The following IQGAP3 variants were observed in gnomAD, a reference collection of about 807,000 sequenced individuals.
The protein encoded by IQGAP3 is ras GTPase-activating-like protein IQGAP3.
IQGAP3 carries 165 observed loss-of-function variants against 208.2 expected under a neutral mutation model. That is an observed-to-expected ratio of 0.79 (90% CI 0.70 to 0.90). The LOEUF is 0.90. Ranked by LOEUF, IQGAP3 falls within the 40% of genes least tolerant of loss-of-function variation. The pLI, the probability that IQGAP3 is intolerant of heterozygous loss-of-function variation, is 0.00. For missense variants in IQGAP3, 1,811 were observed against 2,043.1 expected (o/e 0.89, Z 2.19); for synonymous variants, 703 against 803.6 (o/e 0.87, Z 2.12).
At chr1:156,555,566 C>T (rs1296321503) in intron 12 of IQGAP3, among the ~76,000 whole-genome samples, 3 of 152,140 alleles carry the variant, frequency 2.0e-5, no homozygotes, top group African/African-American at 7.2e-5. Flanking sequence ...TGAATATCAA[C>T]AACAATAATA....
intron 1 of IQGAP3, among the ~76,000 whole-genome samples, chr1:156,571,465 G>GCA (rs145771295): frequency 9.2e-5 from 14 of 151,606 alleles, no homozygotes; most frequent in Admixed American, 3.9e-4. Flanking sequence ...ACACATGCGT[G>GCA]CACACACACA....
chr1:156,540,761 T>C lies in IQGAP3; in HGVS notation c.2686A>G (p.Asn896Asp), dbSNP rs375740683. ...RSNQQLEQDL[N>D]IMDIKIGLLV... is the part of the protein sequence containing the mutation. ...AGGCCAATCTTGATGTCCATGATGT[T>C]GAGGTCCTGCTCCAGCTGCTGATTG... is the stretch of plus-strand genomic sequence containing the variant. The change falls in exon 23 of 38, where the codon AAC becomes GAC. Residue 896 changes from asparagine (N) to aspartate (D), a missense_variant. Coordinates refer to ENST00000361170, the MANE Select transcript of IQGAP3 (RefSeq NM_178229.5). The C allele has an allele frequency of 2.7e-5, 44 of 1,614,032 alleles. No homozygotes were observed. In the Middle Eastern group the frequency reaches 6.6e-4, roughly 24 times the overall value.
At chr1:156,527,306 C>T (rs1674132746) in intron 37 of IQGAP3, among the ~76,000 whole-genome samples, 1 of 151,398 alleles carries the variant, frequency 6.6e-6, no homozygotes, top group African/African-American at 2.4e-5. Context: ...ATGGTGAAAC[C>T]CCATCTCTAC....
At chr1:156,548,788 C>G in intron 16 of IQGAP3, 40 bp from the exon 17 acceptor site, 1 of 1,510,734 alleles carries the variant, frequency 6.6e-7, no homozygotes, top group Non-Finnish European at 8.8e-7. Context: ...ATCCTTCCCC[C>G]GAGTCCCTCC....
At chr1:156,531,459 T>G (rs60468447) in intron 32 of IQGAP3, among the ~76,000 whole-genome samples, 3,408 of 152,126 alleles carry the variant, frequency 0.022, 121 homozygotes, top group African/African-American at 0.078. Context: ...AGCACACATG[T>G]CCTTCCCACC....
At chr1:156,538,041 G>A (rs747578600) in intron 26 of IQGAP3, among the ~76,000 whole-genome samples, 8 of 151,852 alleles carry the variant, frequency 5.3e-5, no homozygotes, top group Non-Finnish European at 8.8e-5. Context: ...GCAGGAGTGC[G>A]CCACAACACC....
intron 37 of IQGAP3, among the ~76,000 whole-genome samples, chr1:156,527,347 G>A (rs189824996): frequency 2.4e-4 from 37 of 151,712 alleles, no homozygotes; most frequent in South Asian, 4.2e-4. Context: ...GTGTGGTGGC[G>A]CACGCCTGTA....
intron 12 of IQGAP3, among the ~76,000 whole-genome samples, chr1:156,555,012 C>T (rs1675760388): frequency 6.6e-6 from 1 of 152,028 alleles, no homozygotes. Context: ...CGAGATCATG[C>T]CACTGCACTC....
rs1242477920 is a variant in IQGAP3, at chr1:156,526,322, G to A, written c.*164C>T. On this transcript the variant is annotated 3_prime_UTR_variant, in exon 38 of 38. Transcript: ENST00000361170. ...TAGCCAATTAGAAGATACACTGTCT[G>A]TGGCCAGGCAGGCAAGCTCCTCCCA... The A allele has an allele frequency of 4.9e-6, 3 of 616,162 alleles. No individual in the cohort carries two copies. Among genetic ancestry groups the A allele is most frequent in the South Asian group, 3.8e-5 (2 of 52,716 alleles). The allele number at this position is 616,162 out of a possible 1,614,324, so 38.2% of individuals were successfully genotyped here.
chr1:156,564,446 G>A (rs1676309639), intron 5 of IQGAP3, among the ~76,000 whole-genome samples, 169 bp downstream of exon 5: 1 of 152,142 alleles, frequency 6.6e-6, no homozygotes, highest in Admixed American at 6.5e-5. Context: ...TGTGCCCACA[G>A]ACATGCACAA....
intron 1 of IQGAP3, 21 bp from the exon 2 acceptor site, chr1:156,569,484 AGGTCAAT>A: frequency 6.9e-7 from 1 of 1,451,532 alleles, no homozygotes; most frequent in Non-Finnish European, 9.6e-7. Context: ...AAACGGGATA[AGGTCAAT>A]GAAGAGAGCA....
Position 156,551,791 on chromosome 1 carries a change from G to A in IQGAP3, c.1648C>T (p.Pro550Ser), listed in dbSNP as rs1232525149. Residue 550 changes from proline (P) to serine (S), a missense_variant, in exon 15 of 38, where the codon CCT becomes TCT. Physicochemically the swap from Pro to Ser is moderately conservative, Grantham distance 74. Transcript: ENST00000361170. ...CTGACATCATCTAGGCCAGCTGCAGGAAGCAGTAGGGCAGACAGAGTCTTC... is the reference window on the plus strand; with the variant it reads ...CTGACATCATCTAGGCCAGCTGCAGAAAGCAGTAGGGCAGACAGAGTCTTC... ...PEKTLSALLLPAAGLDDVSLP... is the reference protein window; with the variant it reads ...PEKTLSALLLSAAGLDDVSLP... 5 of 1,613,942 alleles carry A rather than the reference G, an allele frequency of 3.1e-6. No homozygotes were observed. The highest frequency in any genetic ancestry group is 1.3e-5 in the African/African-American group (1 of 74,918).
chr1:156,536,426 T>C (rs1431448497), intron 27 of IQGAP3, among the ~76,000 whole-genome samples: 1 of 152,070 alleles, frequency 6.6e-6, no homozygotes, highest in African/African-American at 2.4e-5. Flanking sequence ...AAAAAGGTGA[T>C]TTCACAGGAG....
intron 30 of IQGAP3, 63 bp downstream of exon 30, chr1:156,533,946 C>T: frequency 1.2e-6 from 2 of 1,607,960 alleles, no homozygotes; most frequent in Non-Finnish European, 1.7e-6. Context: ...AGCCCACTAC[C>T]CCATCACAGG....
chr1:156,557,611 T>TG (rs1199007209), intron 11 of IQGAP3, among the ~76,000 whole-genome samples: 154 of 16,230 alleles, frequency 9.5e-3, no homozygotes, highest in Non-Finnish European at 0.014. Context: ...GGGAGGGAGG[T>TG]GGGGGGGTCA....
At chr1:156,572,303 C>T (rs904417380) in intron 1 of IQGAP3, among the ~76,000 whole-genome samples, 190 bp downstream of exon 1, 3 of 152,274 alleles carry the variant, frequency 2.0e-5, no homozygotes, top group Non-Finnish European at 4.4e-5. Context: ...AGTCAGGGGA[C>T]AATGCGCCGC....
At chr1:156,564,252 C>T (rs1462272434) in intron 5 of IQGAP3, among the ~76,000 whole-genome samples, 1 of 152,062 alleles carries the variant, frequency 6.6e-6, no homozygotes, top group African/African-American at 2.4e-5. Flanking sequence ...TTGCTGATGG[C>T]TGGCTGTAAG....
rs781396792 is a variant in IQGAP3, at chr1:156,528,928, G to A, written c.4559C>T (p.Ala1520Val). The change falls in exon 35 of 38, where the codon GCC (alanine) becomes GTC (valine). Residue 1520 changes from alanine (A) to valine (V), a missense_variant. Physicochemically the swap from Ala to Val is moderately conservative, Grantham distance 64 (BLOSUM62 0). Transcript: ENST00000361170. ...AAGCAGCACCTACTTGGAGTCGGGG[G>A]CCAGGTGGTCCAGGCAGGCCCGGAT... ...QYIRACLDHL[A>V]PDSKSSGKGK... is the part of the protein sequence containing the mutation. 1.9e-6 allele frequency: 3 copies of A among 1,614,238 alleles called. No individual in the cohort carries two copies. The highest frequency in any genetic ancestry group is 3.3e-5 in the Admixed American group (2 of 60,024).
chr1:156,559,405 T>C (rs533317533), intron 11 of IQGAP3, among the ~76,000 whole-genome samples: 73 of 152,186 alleles, frequency 4.8e-4, no homozygotes, highest in Non-Finnish European at 9.7e-4. Flanking sequence ...ACAAACTCTG[T>C]GGCTTACAAA....
Sources: allele counts gnomAD v4.1 joint callset (sites outside exome capture counted in the v4.1 genomes callset), GRCh38; gene constraint gnomAD v4.1.1; transcripts MANE v1.5; gene names NCBI Gene and HGNC (gene_info 2026-07-23, HGNC 2026-07-21).